GRID2: variants seen among roughly 807,000 people sequenced by gnomAD.
GRID2 encodes glutamate ionotropic receptor delta type subunit 2, also known as glutamate receptor ionotropic, delta-2.
GRID2 carries 33 observed loss-of-function variants against 114.8 expected under a neutral mutation model. The ratio of observed to expected loss-of-function variants is 0.29; its 90% CI spans 0.22 to 0.38. The LOEUF (loss-of-function observed/expected upper bound fraction) is 0.38. GRID2 is among the 10% of genes least tolerant of loss of function. GRID2 has a pLI of 1.00. For synonymous variants in GRID2, 505 were observed against 449.9 expected (o/e 1.12, Z -1.55); for missense variants, 1,184 against 1,257.7 (o/e 0.94, Z 0.89).
At chr4:93,224,871 A>G in intron 7 of GRID2, 96 bp downstream of exon 7, 1 of 889,360 alleles carries the variant, frequency 1.1e-6, no homozygotes, top group Non-Finnish European at 1.7e-6. Context: ...TACAAATTCT[A>G]AGCACAAAAC....
intron 14 of GRID2, among the ~76,000 whole-genome samples, chr4:93,683,922 AG>A (rs2110099364): frequency 6.6e-6 from 1 of 152,234 alleles, no homozygotes; most frequent in South Asian, 2.1e-4. Flanking sequence ...GACTTTATTC[AG>A]GAACATTGCA....
intron 2 of GRID2, among the ~76,000 whole-genome samples, chr4:93,065,152 CT>C (rs1301121844): frequency 1.3e-5 from 2 of 151,504 alleles, no homozygotes; most frequent in African/African-American, 4.8e-5. Flanking sequence ...GCATTTTTTA[CT>C]TATTGGTGAG....
chr4:92,672,358 A>G (rs932015659), intron 2 of GRID2, among the ~76,000 whole-genome samples: 1 of 152,140 alleles, frequency 6.6e-6, no homozygotes, highest in African/African-American at 2.4e-5. Flanking sequence ...CTCTAATACC[A>G]TTACTACATC....
At position 93,168,030 on chromosome 4, in the gene GRID2, T is replaced by C. The variant is rs546663970; in HGVS notation, c.736-39374T>C. Among the ~76,000 whole-genome samples, 3 of 152,114 alleles carry C rather than the reference T, an allele frequency of 2.0e-5. No homozygotes were observed. In the South Asian group the frequency reaches 6.2e-4, roughly 32 times the overall value. Reference sequence around the variant, plus strand: ...CCAACATGGCAAAAGAAACCATCTCTACTAAAAATATAAAACTTAGCGAGG... The same window carrying C: ...CCAACATGGCAAAAGAAACCATCTCCACTAAAAATATAAAACTTAGCGAGG... On this transcript the variant is annotated intron_variant, in intron 4 of 15. Transcript: ENST00000282020.
chr4:93,705,350 A>T (rs556964265), intron 14 of GRID2, among the ~76,000 whole-genome samples: 60 of 148,866 alleles, frequency 4.0e-4, no homozygotes, highest in African/African-American at 1.5e-3. Context: ...CTTCTTCCTG[A>T]AACAGAGTCT....
intron 8 of GRID2, among the ~76,000 whole-genome samples, chr4:93,368,461 G>A (rs750376033): frequency 6.6e-6 from 1 of 151,506 alleles, no homozygotes; most frequent in Non-Finnish European, 1.5e-5. Flanking sequence ...ATGCAGGTTT[G>A]TTACATATGT....
At chr4:93,447,541 G>A (rs746103329) in intron 10 of GRID2, among the ~76,000 whole-genome samples, 6 of 151,824 alleles carry the variant, frequency 4.0e-5, no homozygotes, top group Non-Finnish European at 7.4e-5. Flanking sequence ...CAACTTTATC[G>A]TAATTATTTG....
intron 2 of GRID2, among the ~76,000 whole-genome samples, chr4:93,016,109 T>C (rs1722683751): frequency 6.6e-6 from 1 of 150,996 alleles, no homozygotes; most frequent in Non-Finnish European, 1.5e-5. Context: ...TTATGTGTGT[T>C]TGGAAGATGA....
intron 2 of GRID2, among the ~76,000 whole-genome samples, chr4:92,709,580 A>AT (rs1560545227): frequency 1.5e-5 from 2 of 130,810 alleles, no homozygotes; most frequent in African/African-American, 5.9e-5. Context: ...GAGAAAAAAA[A>AT]AAAAAAAAAA....
chr4:93,625,315 A>G (rs1742604032), intron 13 of GRID2, among the ~76,000 whole-genome samples: 1 of 152,202 alleles, frequency 6.6e-6, no homozygotes, highest in Non-Finnish European at 1.5e-5. Flanking sequence ...GTAGAAGCAC[A>G]AAGACATGGC....
chr4:92,986,176 A>G (rs1048481107), intron 2 of GRID2, among the ~76,000 whole-genome samples: 1 of 152,172 alleles, frequency 6.6e-6, no homozygotes, highest in African/African-American at 2.4e-5. Context: ...CCCCATTTTC[A>G]AATTCATTAT....
intron 8 of GRID2, among the ~76,000 whole-genome samples, chr4:93,281,222 T>G (rs1473090651): frequency 6.6e-6 from 1 of 151,158 alleles, no homozygotes; most frequent in Non-Finnish European, 1.5e-5. Context: ...TGGGAAAAAT[T>G]GGAAGGAAGT....
intron 4 of GRID2, among the ~76,000 whole-genome samples, chr4:93,169,547 G>A (rs945668251): frequency 2.6e-5 from 4 of 152,066 alleles, no homozygotes; most frequent in Non-Finnish European, 5.9e-5. Flanking sequence ...GCCTAAAATA[G>A]GAGTCATTGC....
At chr4:92,518,693 C>T (rs1395354800) in intron 1 of GRID2, among the ~76,000 whole-genome samples, 1 of 151,314 alleles carries the variant, frequency 6.6e-6, no homozygotes, top group Non-Finnish European at 1.5e-5. Context: ...GTGTAATTTA[C>T]CACAGTTAAA....
chr4:92,588,632 T>G (rs1439463347), intron 1 of GRID2, among the ~76,000 whole-genome samples: 2 of 126,866 alleles, frequency 1.6e-5, no homozygotes, highest in Admixed American at 2.1e-4. Flanking sequence ...TGAGCCGAGA[T>G]GGCGCCACTG....
chr4:92,482,020 AT>A (rs2149105546), intron 1 of GRID2, among the ~76,000 whole-genome samples: 4 of 70,918 alleles, frequency 5.6e-5, no homozygotes, highest in South Asian at 4.5e-4. Flanking sequence ...ATATATATAT[AT>A]ATATATATAT....
At chr4:93,029,041 T>C (rs1724144540) in intron 2 of GRID2, among the ~76,000 whole-genome samples, 1 of 152,078 alleles carries the variant, frequency 6.6e-6, no homozygotes, top group South Asian at 2.1e-4. Flanking sequence ...TAGATTAACA[T>C]TATGTTATTA....
chr4:93,270,918 C>T (rs770077921), intron 8 of GRID2, among the ~76,000 whole-genome samples: 6 of 152,102 alleles, frequency 3.9e-5, no homozygotes, highest in African/African-American at 1.4e-4. Flanking sequence ...CGTGAGCCAC[C>T]GTGCCCGGCC....
intron 2 of GRID2, among the ~76,000 whole-genome samples, chr4:92,724,896 T>C (rs1350813637): frequency 6.6e-6 from 1 of 152,204 alleles, no homozygotes; most frequent in Non-Finnish European, 1.5e-5. Context: ...AACAAAGTTT[T>C]AAATTCCAAT....
Sources: gnomAD v4.1 joint callset for allele counts (sites outside exome capture counted in the v4.1 genomes callset) on GRCh38, gnomAD v4.1.1 for gene constraint, MANE v1.5 for transcripts, NCBI Gene and HGNC (gene_info 2026-07-23, HGNC 2026-07-21) for gene names.